Variants in SLC9A4 observed in about 807,000 individuals in gnomAD.
The protein encoded by SLC9A4 is solute carrier family 9 member A4.
In SLC9A4, 63 loss-of-function variants were observed where a neutral mutation model predicts 67.4. The observed-to-expected ratio is 0.93, with a 90% confidence interval of 0.76 to 1.15. The LOEUF is 1.15. SLC9A4 is among the 50% of genes most tolerant of loss of function. The pLI, the probability that SLC9A4 is intolerant of heterozygous loss-of-function variation, is 0.00. For synonymous variants in SLC9A4, 393 were observed against 367.2 expected (o/e 1.07, Z -0.80); for missense variants, 1,089 against 987.7 (o/e 1.10, Z -1.38).
At chr2:102,499,829 A>G (rs895928490) in intron 2 of SLC9A4, among the ~76,000 whole-genome samples, 12 of 152,242 alleles carry the variant, frequency 7.9e-5, no homozygotes, top group African/African-American at 2.9e-4. Context: ...CAAAACCTGC[A>G]TCCTAGGCTC....
chr2:102,499,106 G>T (rs1684869723), intron 2 of SLC9A4, among the ~76,000 whole-genome samples: 1 of 152,132 alleles, frequency 6.6e-6, no homozygotes, highest in Non-Finnish European at 1.5e-5. Flanking sequence ...GAACCCACAG[G>T]CTGAAACACG....
At chr2:102,508,315 G>T (rs1166072235) in intron 5 of SLC9A4, 34 bp downstream of exon 5, 4 of 1,515,446 alleles carry the variant, frequency 2.6e-6, no homozygotes, top group Non-Finnish European at 2.7e-6. Flanking sequence ...AAATAAATAG[G>T]TTATTTCAGG....
intron 2 of SLC9A4, among the ~76,000 whole-genome samples, chr2:102,481,564 T>A (rs1250555622): frequency 6.6e-6 from 1 of 152,214 alleles, no homozygotes; most frequent in Non-Finnish European, 1.5e-5. Context: ...AATTTTTATA[T>A]GCAAATGTTG....
intron 11 of SLC9A4, among the ~76,000 whole-genome samples, chr2:102,527,191 A>T (rs1674683045): frequency 6.6e-6 from 1 of 152,170 alleles, no homozygotes; most frequent in Non-Finnish European, 1.5e-5. Context: ...TCACCATAGA[A>T]TGTTTTGGTG....
chr2:102,527,978 A>G (rs923777066), intron 11 of SLC9A4, among the ~76,000 whole-genome samples: 1 of 151,978 alleles, frequency 6.6e-6, no homozygotes, highest in African/African-American at 2.4e-5. Context: ...TAACAAGGAT[A>G]TCATCCATTT....
At chr2:102,502,807 A>G (rs530994574) in intron 2 of SLC9A4, among the ~76,000 whole-genome samples, 12 of 152,370 alleles carry the variant, frequency 7.9e-5, no homozygotes, top group African/African-American at 2.9e-4. Flanking sequence ...GAGGACGGGG[A>G]GAAGGCTCTC....
At chr2:102,480,819 A>T (rs1684446339) in intron 2 of SLC9A4, among the ~76,000 whole-genome samples, 1 of 152,190 alleles carries the variant, frequency 6.6e-6, no homozygotes, top group Non-Finnish European at 1.5e-5. Flanking sequence ...GATGAGACTG[A>T]CAACAGTTTA....
chr2:102,487,823 A>G lies in SLC9A4; in HGVS notation c.720+8521A>G, dbSNP rs145692520. ...TTGGAAGAGAAACAGGGAGAAAAGC[A>G]ATGTCGCTTTAGCTTTTTAGGGAGT... On this transcript the variant is annotated intron_variant, in intron 2 of 11. Coordinates refer to ENST00000295269, the MANE Select transcript of SLC9A4 (RefSeq NM_001011552.4). Among the ~76,000 whole-genome samples, 10 of 152,298 alleles carry G rather than the reference A, an allele frequency of 6.6e-5. No homozygotes were observed. The East Asian group carries it at 1.9e-3, about 29-fold the overall frequency.
At chr2:102,504,605 C>T (rs1420324627) in intron 3 of SLC9A4, among the ~76,000 whole-genome samples, 1 of 152,184 alleles carries the variant, frequency 6.6e-6, no homozygotes, top group African/African-American at 2.4e-5. Flanking sequence ...ACGGCATTAT[C>T]TTTCTTTCCA....
rs1674814928 is a variant in SLC9A4, at chr2:102,533,217, T to C, written c.*529T>C. On this transcript the variant is annotated 3_prime_UTR_variant, in exon 12 of 12. Coordinates refer to ENST00000295269, the MANE Select transcript of SLC9A4 (RefSeq NM_001011552.4). The stretch of plus-strand genomic sequence containing the variant: ...TTTTGATTTCATATTCAATATGCAA[T>C]AATTATGTTCTATCAGAGATAAAAT... 1 of 154,686 alleles carries C rather than the reference T, an allele frequency of 6.5e-6. No homozygotes were observed. The highest frequency in any genetic ancestry group is 2.0e-4 in the South Asian group (1 of 4,972). The allele number at this position is 154,686 out of a possible 1,614,324, so 9.6% of individuals were successfully genotyped here. A position where few individuals can be genotyped will look rare whatever the true frequency, so the allele number is the denominator to read the frequency against.
At chr2:102,524,931 C>T (rs1330715901) in intron 9 of SLC9A4, 93 bp from the exon 10 acceptor site, 4 of 1,496,632 alleles carry the variant, frequency 2.7e-6, no homozygotes, top group East Asian at 2.3e-5. Flanking sequence ...CACCTGTTCT[C>T]CTGGTCTTAG....
At chr2:102,511,484 T>TA (rs1318846694) in intron 6 of SLC9A4, among the ~76,000 whole-genome samples, 195 of 152,164 alleles carry the variant, frequency 1.3e-3, no homozygotes, top group African/African-American at 4.7e-3. Context: ...AATTATTTAA[T>TA]AATTAATTTA....
chr2:102,483,139 A>G (rs60059565), intron 2 of SLC9A4, among the ~76,000 whole-genome samples: 14,186 of 152,238 alleles, frequency 0.093, 807 homozygotes, highest in Middle Eastern at 0.18. Flanking sequence ...TGCTGAGGAC[A>G]CTGCTGTGAC....
At chr2:102,496,693 C>A (rs1309668444) in intron 2 of SLC9A4, among the ~76,000 whole-genome samples, 2 of 152,094 alleles carry the variant, frequency 1.3e-5, no homozygotes, top group African/African-American at 2.4e-5. Flanking sequence ...TGTCTATGGG[C>A]AGAATTTATG....
intron 2 of SLC9A4, among the ~76,000 whole-genome samples, chr2:102,493,217 T>C (rs4851598): frequency 0.72 from 108,498 of 151,024 alleles, 39,795 homozygotes; most frequent in Middle Eastern, 0.77. Flanking sequence ...TTGTTCCAAA[T>C]TCTGCCTGTT....
At chr2:102,478,752 G>T (rs1684386190) in intron 1 of SLC9A4, 87 bp from the exon 2 acceptor site, 12 of 1,318,316 alleles carry the variant, frequency 9.1e-6, no homozygotes, top group East Asian at 2.4e-5. Flanking sequence ...GCTTGTCCAC[G>T]GTCCTGTCTG....
intron 2 of SLC9A4, among the ~76,000 whole-genome samples, chr2:102,481,626 A>G (rs941214624): frequency 7.2e-5 from 11 of 152,198 alleles, no homozygotes; most frequent in Non-Finnish European, 1.6e-4. Flanking sequence ...ATAGGAATTC[A>G]TTAAATTATC....
rs1255569107 is a variant in SLC9A4 at position 102,478,947 on chromosome 2, C to T, written c.365C>T (p.Pro122Leu). ...GIIFGTDHKS[P>L]PVMDSSIYFL... ...ATCTTCGGCACCGACCACAAATCGCCTCCGGTCATGGACTCCAGCATCTAC... is the reference window on the plus strand; with the variant it reads ...ATCTTCGGCACCGACCACAAATCGCTTCCGGTCATGGACTCCAGCATCTAC... The change falls in exon 2 of 12, where the codon CCT (proline) becomes CTT (leucine). Residue 122 changes from proline to leucine, a missense_variant. Coordinates refer to ENST00000295269, the MANE Select transcript of SLC9A4 (RefSeq NM_001011552.4). 6.2e-7 allele frequency: 1 copy of T among 1,614,052 alleles called. No homozygotes were observed. The highest frequency in any genetic ancestry group is 8.5e-7 in the Non-Finnish European group (1 of 1,179,988).
intron 8 of SLC9A4, among the ~76,000 whole-genome samples, chr2:102,516,923 C>G (rs967339346): frequency 1.3e-5 from 2 of 152,166 alleles, no homozygotes; most frequent in Non-Finnish European, 2.9e-5. Context: ...CATGCAACTT[C>G]AAAATGCATT....
Sources: allele counts gnomAD v4.1 joint callset (sites outside exome capture counted in the v4.1 genomes callset), GRCh38; gene constraint gnomAD v4.1.1; transcripts MANE v1.5; gene names NCBI Gene and HGNC (gene_info 2026-07-23, HGNC 2026-07-21).